VRTN: variants seen among roughly 807,000 people sequenced by gnomAD.
VRTN encodes vertebrae development associated.
A neutral mutation model predicts 18.2 loss-of-function variants in VRTN; 5 were observed. The ratio of observed to expected loss-of-function variants is 0.27; its 90% CI spans 0.14 to 0.58. The LOEUF is 0.58. Among genes scored for constraint, VRTN ranks in the 20% least tolerant of loss-of-function variants. The probability of loss-of-function intolerance (pLI) is 0.91; values close to 1 mark genes in which losing one functional copy is unlikely to be tolerated. For synonymous variants in VRTN, 381 were observed against 393.7 expected, an observed-to-expected ratio of 0.97 and a Z score of 0.38; for missense variants, 741 against 939.4, an observed-to-expected ratio of 0.79 and a Z score of 2.76.
At chr14:74,315,694 C>T (rs992782451) in intron 1 of VRTN, among the ~76,000 whole-genome samples, 7 of 152,060 alleles carry the variant, frequency 4.6e-5, no homozygotes, top group African/African-American at 1.2e-4. Context: ...AATCAGATAG[C>T]GCTAAGAAAA....
At chr14:74,314,155 A>G (rs750294300) in intron 1 of VRTN, among the ~76,000 whole-genome samples, 5 of 152,068 alleles carry the variant, frequency 3.3e-5, no homozygotes, top group African/African-American at 4.8e-5. Context: ...TTTTAGAGAC[A>G]AGGTCTTGCT....
chr14:74,304,939 C>T (rs2085331471), intron 1 of VRTN, among the ~76,000 whole-genome samples: 1 of 152,190 alleles, frequency 6.6e-6, no homozygotes. Flanking sequence ...TCTAGGTTTA[C>T]AGATCTTGTC....
intron 1 of VRTN, among the ~76,000 whole-genome samples, chr14:74,336,731 C>A (rs1434907596): frequency 6.6e-6 from 1 of 152,106 alleles, no homozygotes; most frequent in African/African-American, 2.4e-5. Flanking sequence ...TGAGATCGTG[C>A]CATTGCACTC....
At chr14:74,350,344 T>TGGGTGGAGCC (rs2085675790) in intron 1 of VRTN, among the ~76,000 whole-genome samples, 1 of 149,720 alleles carries the variant, frequency 6.7e-6, no homozygotes, top group Non-Finnish European at 1.5e-5. Context: ...GGAATGAAAT[T>TGGGTGGAGCC]GGGTGGAGCC....
chr14:74,310,397 C>CAA (rs1204317705), intron 1 of VRTN, among the ~76,000 whole-genome samples: 21 of 59,404 alleles, frequency 3.5e-4, no homozygotes, highest in African/African-American at 8.4e-4. Flanking sequence ...AACTCTGTCT[C>CAA]AAAAAAAAAA....
At chr14:74,308,736 G>A (rs992736902) in intron 1 of VRTN, among the ~76,000 whole-genome samples, 1 of 151,996 alleles carries the variant, frequency 6.6e-6, no homozygotes, top group Non-Finnish European at 1.5e-5. Flanking sequence ...AGCTACTCTC[G>A]AACTCCTAAC....
upstream of VRTN, among the ~76,000 whole-genome samples, chr14:74,346,701 T>C (rs2085646645): frequency 6.6e-6 from 1 of 152,232 alleles, no homozygotes; most frequent in South Asian, 2.1e-4. Context: ...CTTTAGATAA[T>C]GGGATTATAG....
intron 1 of VRTN, among the ~76,000 whole-genome samples, chr14:74,307,887 G>A (rs1200005656): frequency 2.0e-5 from 3 of 151,904 alleles, no homozygotes; most frequent in East Asian, 1.9e-4. Flanking sequence ...CCACCAGCAC[G>A]CCTGGCTAAT....
Position 74,357,093 on chromosome 14 carries a change from C to T in VRTN, c.310C>T (p.Leu104=). The T allele has an allele frequency of 6.2e-7, 1 of 1,605,054 alleles. No individual in the cohort carries two copies. The highest frequency in any genetic ancestry group is 8.5e-7 in the Non-Finnish European group (1 of 1,177,558). The change falls in exon 2 of 2, where the codon CTG becomes TTG. Residue 104 remains leucine, a synonymous_variant. Coordinates refer to ENST00000256362, the MANE Select transcript of VRTN (RefSeq NM_018228.3). This position sits in a 1 kb window ranked among gnomAD's most constrained non-coding sequence, Gnocchi z 7.8. ...LWGDAGLSLE[L]RARTVVEMLL... ...GGGTGACGCAGGCCTCAGCCTGGAG[C>T]TGCGGGCCCGCACCGTGGTAGAGAT...
rs1196182402 is a variant in VRTN, at chr14:74,358,819, C to T, written c.2036C>T (p.Pro679Leu). Residue 679 changes from proline (P) to leucine (L), a missense_variant, in exon 2 of 2, where the codon CCC (proline) becomes CTC (leucine). Coordinates refer to ENST00000256362, the MANE Select transcript of VRTN (RefSeq NM_018228.3). This position sits in a 1 kb window ranked among gnomAD's most constrained non-coding sequence, Gnocchi z 5.4. The part of the protein sequence containing the change: ...PSYKEFSALF[P>L]LTARSTYYMW... The stretch of plus-strand genomic sequence containing the variant: ...TACAAGGAGTTCAGTGCCCTCTTTC[C>T]CCTCACTGCCCGCTCCACATACTAC... The T allele has an allele frequency of 6.2e-7, 1 of 1,614,216 alleles. No individual in the cohort carries two copies. The highest frequency in any genetic ancestry group is 1.3e-5 in the African/African-American group (1 of 75,084).
chr14:74,334,644 G>A (rs1373543701), intron 1 of VRTN, among the ~76,000 whole-genome samples: 1 of 152,180 alleles, frequency 6.6e-6, no homozygotes. Flanking sequence ...CATTCCATGA[G>A]CAAAATGGTT....
chr14:74,309,684 G>A (rs1432279171), intron 1 of VRTN, among the ~76,000 whole-genome samples: 2 of 151,870 alleles, frequency 1.3e-5, no homozygotes, highest in Non-Finnish European at 2.9e-5. Flanking sequence ...GCAACACAGC[G>A]AGACCTCGTT....
chr14:74,308,228 A>T (rs1250994140), intron 1 of VRTN, among the ~76,000 whole-genome samples: 1 of 152,190 alleles, frequency 6.6e-6, no homozygotes, highest in Non-Finnish European at 1.5e-5. Context: ...CAGCCTGGGC[A>T]ACATAGCTAG....
Position 74,349,356 on chromosome 14 carries a change from G to T in VRTN, c.-2+704G>T, listed in dbSNP as rs140836351. 2.7e-3 allele frequency among the ~76,000 whole-genome samples: 406 copies of T among 152,294 alleles called. 2 individuals carry two copies. The highest frequency in any genetic ancestry group is 9.5e-3 in the African/African-American group (393 of 41,574). On this transcript the variant is annotated intron_variant, in intron 1 of 1. Transcript: ENST00000256362. ...CCTGGCAGGCGCAGCCTGTGCAGTC[G>T]GGCTGGTGTGGCCAGGGCAGGGAGG... is the stretch of plus-strand genomic sequence containing the variant.
rs1427044653 is a variant in VRTN, at chr14:74,358,777, C to G, written c.1994C>G (p.Ser665Cys). 3 of 1,614,234 alleles carry G rather than the reference C, an allele frequency of 1.9e-6. No individual in the cohort carries two copies. Among genetic ancestry groups the G allele is most frequent in the East Asian group, 2.2e-5 (1 of 44,888 alleles). Residue 665 changes from serine to cysteine, a missense_variant, in exon 2 of 2, where the codon TCC (serine) becomes TGC (cysteine). By Grantham distance (112) the Ser-to-Cys change is moderately radical (BLOSUM62 -1). Coordinates refer to ENST00000256362, the MANE Select transcript of VRTN (RefSeq NM_018228.3). This position sits in a 1 kb window ranked among gnomAD's most constrained non-coding sequence, Gnocchi z 5.4. The part of the protein sequence containing the change: ...AKLFLQKRFQ[S>C]KSFPSYKEFS... Reference sequence around the variant, plus strand: ...CTGTTCTTGCAGAAGCGCTTCCAGTCCAAGAGCTTTCCCTCCTACAAGGAG... The same window carrying G: ...CTGTTCTTGCAGAAGCGCTTCCAGTGCAAGAGCTTTCCCTCCTACAAGGAG...
At chr14:74,311,126 A>G (rs988608982) in intron 1 of VRTN, among the ~76,000 whole-genome samples, 2 of 152,238 alleles carry the variant, frequency 1.3e-5, no homozygotes, top group African/African-American at 4.8e-5. Flanking sequence ...TGACATTAAT[A>G]TTAAACATTG....
intron 1 of VRTN, among the ~76,000 whole-genome samples, chr14:74,349,430 A>G (rs1002624519): frequency 1.3e-5 from 2 of 152,186 alleles, no homozygotes; most frequent in Non-Finnish European, 2.9e-5. Context: ...CCAGCCATCC[A>G]GGGGAGAATC....
intron 1 of VRTN, among the ~76,000 whole-genome samples, chr14:74,352,204 G>A (rs1211360366): frequency 6.6e-6 from 1 of 150,500 alleles, no homozygotes; most frequent in African/African-American, 2.5e-5. Flanking sequence ...TTTTGAGATG[G>A]AGTCTCACTC....
chr14:74,347,629 G>C (rs1048726314), upstream of VRTN, among the ~76,000 whole-genome samples: 1 of 152,200 alleles, frequency 6.6e-6, no homozygotes, highest in Non-Finnish European at 1.5e-5. Flanking sequence ...AAAGCCCCTT[G>C]GGGGGAAGCT....
Sources: gnomAD v4.1 joint callset for allele counts (sites outside exome capture counted in the v4.1 genomes callset) on GRCh38, gnomAD v4.1.1 for gene constraint, Gnocchi (gnomAD v3.1) non-coding constraint, MANE v1.5 for transcripts, NCBI Gene and HGNC (gene_info 2026-07-23, HGNC 2026-07-21) for gene names.